Variants in SLC16A9 observed in about 807,000 individuals in gnomAD.
SLC16A9 encodes monocarboxylate transporter 9.
In SLC16A9, 26 loss-of-function variants were observed where a neutral mutation model predicts 44.3. That is an observed-to-expected ratio of 0.59 (90% CI 0.43 to 0.81). The LOEUF (loss-of-function observed/expected upper bound fraction) is 0.81. SLC16A9 is among the 40% of genes least tolerant of loss of function. The pLI, the probability that SLC16A9 is intolerant of heterozygous loss-of-function variation, is 0.00. For missense variants in SLC16A9, 559 were observed against 595.8 expected (o/e 0.94, Z 0.64); for synonymous variants, 230 against 225.1 (o/e 1.02, Z -0.19).
Position 59,662,547 on chromosome 10 carries a change from T to A in SLC16A9, c.436+1680A>T, listed in dbSNP as rs1485595117. The stretch of plus-strand genomic sequence containing the variant: ...CTACTCAGGAAGCTGAGGCAGGAGA[T>A]CACTTGAAACTGGAAGGTGGAGGTT... On this transcript the variant is annotated intron_variant, in intron 4 of 5. Coordinates refer to ENST00000395348, the MANE Select transcript of SLC16A9 (RefSeq NM_194298.3). Among the ~76,000 whole-genome samples the A allele has an allele frequency of 3.6e-5, 5 of 140,682 alleles. No individual in the cohort carries two copies. The East Asian group carries it at 1.1e-3, about 30-fold the overall frequency. The allele number at this position is 140,682 out of a possible 152,430, so 92.3% of individuals were successfully genotyped here.
intron 1 of SLC16A9, among the ~76,000 whole-genome samples, chr10:59,699,546 C>T (rs1486216056): frequency 6.6e-6 from 1 of 152,260 alleles, no homozygotes; most frequent in Non-Finnish European, 1.5e-5. Context: ...TTAAATAGCT[C>T]TCTGCCTCTT....
intron 3 of SLC16A9, among the ~76,000 whole-genome samples, chr10:59,672,359 G>A (rs1024510272): frequency 1.3e-5 from 2 of 152,288 alleles, no homozygotes; most frequent in Non-Finnish European, 2.9e-5. Context: ...GCTATGGAAT[G>A]CAAACAGCTG....
At chr10:59,704,169 T>A (rs913046383) in intron 1 of SLC16A9, among the ~76,000 whole-genome samples, 1 of 152,196 alleles carries the variant, frequency 6.6e-6, no homozygotes, top group African/African-American at 2.4e-5. Context: ...TCTCATTGGA[T>A]GAGGCATTTT....
At chr10:59,678,724 T>C (rs1394409396) in intron 2 of SLC16A9, among the ~76,000 whole-genome samples, 1 of 143,366 alleles carries the variant, frequency 7.0e-6, no homozygotes, top group African/African-American at 2.6e-5. Flanking sequence ...TTTGTATTTT[T>C]AGTAGAGACG....
At chr10:59,678,540 C>CTTTTTTTTTTTTTTTTTTTTTTTTTTTTT (rs1426559419) in intron 2 of SLC16A9, among the ~76,000 whole-genome samples, 1 of 22,328 alleles carries the variant, frequency 4.5e-5, no homozygotes, top group African/African-American at 9.7e-5. Context: ...TTTTCTTTTT[C>CTTTTTTTTTTTTTTTTTTTTTTTTTTTTT]TTTTTCTTTT....
chr10:59,693,286 C>T (rs1840291885), intron 1 of SLC16A9, among the ~76,000 whole-genome samples: 1 of 152,194 alleles, frequency 6.6e-6, no homozygotes, highest in South Asian at 2.1e-4. Context: ...TAGCAAATGT[C>T]ATCATGTTAA....
At chr10:59,667,403 C>T (rs905529898) in intron 3 of SLC16A9, among the ~76,000 whole-genome samples, 18 of 152,260 alleles carry the variant, frequency 1.2e-4, no homozygotes, top group Admixed American at 3.3e-4. Flanking sequence ...TGAAACCAGA[C>T]ATTAAAGAGA....
rs530030379 is a variant in SLC16A9, at chr10:59,653,383, G to A, written c.1351+292C>T. Among the ~76,000 whole-genome samples, 25 of 119,864 alleles carry A rather than the reference G, an allele frequency of 2.1e-4. No individual in the cohort carries two copies. In the South Asian group the frequency reaches 5.4e-3, roughly 26 times the overall value. The allele number at this position is 119,864 out of a possible 152,430, so 78.6% of individuals were successfully genotyped here. On this transcript the variant is annotated intron_variant, in intron 5 of 5. Transcript: ENST00000395348. The stretch of plus-strand genomic sequence containing the variant: ...GGAGCTTGCGGTGAGCCGAGATCAC[G>A]CAATTGCACTCCAGCCTGGGCGACA...
chr10:59,682,372 T>G (rs1349470355), intron 2 of SLC16A9, among the ~76,000 whole-genome samples: 1 of 152,014 alleles, frequency 6.6e-6, no homozygotes, highest in Non-Finnish European at 1.5e-5. Context: ...TGCCTAAGAG[T>G]AAAGAGGGCT....
At chr10:59,689,088 T>C (rs1840198573) in intron 1 of SLC16A9, among the ~76,000 whole-genome samples, 1 of 152,190 alleles carries the variant, frequency 6.6e-6, no homozygotes, top group Admixed American at 6.6e-5. Context: ...CCCATGCACA[T>C]CAACTCTGAC....
chr10:59,694,801 AATATAT>A (rs1554874045), intron 1 of SLC16A9, among the ~76,000 whole-genome samples: 1 of 72,460 alleles, frequency 1.4e-5, no homozygotes, highest in Non-Finnish European at 3.2e-5. Flanking sequence ...CTCCATCTCA[AATATAT>A]ATATATATAT....
intron 1 of SLC16A9, among the ~76,000 whole-genome samples, chr10:59,704,134 T>C (rs921394762): frequency 1.3e-5 from 2 of 152,296 alleles, no homozygotes; most frequent in South Asian, 2.1e-4. Flanking sequence ...TACATAACAA[T>C]TAACTGGAAC....
chr10:59,652,543 C>T lies in SLC16A9; in HGVS notation c.*229G>A, dbSNP rs915578471. ...GTGAATAACAGCAAAACAGAATAGT[C>T]CCATTGATGGTGTGGGGAGGAGAAA... On this transcript the variant is annotated 3_prime_UTR_variant, in exon 6 of 6. Coordinates refer to ENST00000395348, the MANE Select transcript of SLC16A9 (RefSeq NM_194298.3). 4.1e-5 allele frequency: 16 copies of T among 393,412 alleles called. No individual in the cohort carries two copies. Among genetic ancestry groups the T allele is most frequent in the Non-Finnish European group, 6.7e-5 (15 of 223,780 alleles). 24.4% of individuals were successfully genotyped at this position (393,412 alleles called of 1,614,324 possible).
At position 59,654,565 on chromosome 10, in the gene SLC16A9, T is replaced by C. The variant is rs952268987; in HGVS notation, c.461A>G (p.Tyr154Cys). ...STGSSVGLFI[Y>C]AALQRMLVEF... ...AACCAGCATCCTCTGCAGAGCAGCA[T>C]ATATGAAAAGGCCAACGCTTGAACC... The change falls in exon 5 of 6, where the codon TAT (tyrosine) becomes TGT (cysteine). Residue 154 changes from tyrosine to cysteine, a missense_variant. Coordinates refer to ENST00000395348, the MANE Select transcript of SLC16A9 (RefSeq NM_194298.3). 15 of 1,592,526 alleles carry C rather than the reference T, an allele frequency of 9.4e-6. No individual in the cohort carries two copies. The highest frequency in any genetic ancestry group is 1.3e-5 in the African/African-American group (1 of 74,390).
chr10:59,654,344 G>T lies in SLC16A9; in HGVS notation c.682C>A (p.Leu228Ile), dbSNP rs1006940777. 2.5e-6 allele frequency: 4 copies of T among 1,613,910 alleles called. No individual in the cohort carries two copies. Among genetic ancestry groups the T allele is most frequent in the Non-Finnish European group, 1.7e-6 (2 of 1,180,032 alleles). ...TCCTCACTACTGTAGCTCTTGTCAA[G>T]AATGTTTATGTTTTCTTCCAGATTC... ...GKNLEENINI[L>I]DKSYSSEEKC... is the part of the protein sequence containing the mutation. Residue 228 changes from leucine to isoleucine, a missense_variant, in exon 5 of 6, where the codon CTT becomes ATT. By Grantham distance (5) the Leu-to-Ile change is conservative (BLOSUM62 2). Coordinates refer to ENST00000395348, the MANE Select transcript of SLC16A9 (RefSeq NM_194298.3).
At chr10:59,681,838 TG>T (rs1564706237) in intron 2 of SLC16A9, among the ~76,000 whole-genome samples, 2 of 24,684 alleles carry the variant, frequency 8.1e-5, no homozygotes, top group African/African-American at 2.1e-4. Context: ...TATATGTATA[TG>T]ATGTATATGT....
chr10:59,659,365 C>T (rs118129578), intron 4 of SLC16A9, among the ~76,000 whole-genome samples: 10 of 152,116 alleles, frequency 6.6e-5, no homozygotes, highest in East Asian at 3.9e-4. Flanking sequence ...TGTTAATTTT[C>T]GTTCCTTTTC....
rs1456958723 is a variant in SLC16A9, at chr10:59,653,283, G to A, written c.1352-333C>T. Among the ~76,000 whole-genome samples the A allele has an allele frequency of 2.6e-5, 4 of 151,252 alleles. No individual in the cohort carries two copies. The East Asian group carries it at 5.8e-4, about 22-fold the overall frequency. On this transcript the variant is annotated intron_variant, in intron 5 of 5. Coordinates refer to ENST00000395348, the MANE Select transcript of SLC16A9 (RefSeq NM_194298.3). ...ACAACAACAACAAAAAACATTAGCC[G>A]GGCGTGGTGGCAGGTGCCTTTAGTC...
chr10:59,652,802 A>C lies in SLC16A9; in HGVS notation c.1500T>G (p.Thr500=), dbSNP rs746031777. The change falls in exon 6 of 6, where the codon ACT becomes ACG. Residue 500 remains threonine, a synonymous_variant. Coordinates refer to ENST00000395348, the MANE Select transcript of SLC16A9 (RefSeq NM_194298.3). The part of the protein sequence containing the change: ...NKQLPKPAPT[T]FLYKVASNV ...CATTAGAGGCAACTTTGTACAAGAAAGTTGTTGGAGCTGGCTTGGGGAGTT... is the reference window on the plus strand; with the variant it reads ...CATTAGAGGCAACTTTGTACAAGAACGTTGTTGGAGCTGGCTTGGGGAGTT... 6.2e-7 allele frequency: 1 copy of C among 1,611,516 alleles called. No homozygotes were observed. Among genetic ancestry groups the C allele is most frequent in the Non-Finnish European group, 8.5e-7 (1 of 1,179,342 alleles).
Sources: gnomAD v4.1 joint callset for allele counts (sites outside exome capture counted in the v4.1 genomes callset) on GRCh38, gnomAD v4.1.1 for gene constraint, MANE v1.5 for transcripts, NCBI Gene and HGNC (gene_info 2026-07-23, HGNC 2026-07-21) for gene names.